SAMMSON: variants seen among roughly 807,000 people sequenced by gnomAD.
The protein encoded by SAMMSON is survival associated mitochondrial melanoma specific oncogenic non-coding RNA.
In SAMMSON at chr3:70,339,956, CAT is replaced by C. The variant is rs944142128; in HGVS notation, n.740-14218_740-14217del. 2.6e-3 allele frequency among the ~76,000 whole-genome samples: 396 copies of C among 152,098 alleles called. 5 individuals carry two copies. The highest frequency in any genetic ancestry group is 8.5e-4 in the Non-Finnish European group (58 of 67,952). ...GCTGCTATAAAGACACATGCACACACATGTTTATTGTGGCACTATTCACAATA... is the reference window on the plus strand; with the variant it reads ...GCTGCTATAAAGACACATGCACACACGTTTATTGTGGCACTATTCACAATA... On this transcript the variant is annotated intron_variant and non_coding_transcript_variant, in intron 7 of 9. Transcript: ENST00000642114.
At chr3:70,319,778 A>T (rs112049257) in intron 7 of SAMMSON, among the ~76,000 whole-genome samples, 1 of 152,154 alleles carries the variant, frequency 6.6e-6, no homozygotes, top group East Asian at 1.9e-4. Context: ...TTTACAAGTC[A>T]GTGGGAAGGA....
At chr3:70,372,934 T>C (rs775445922) in intron 9 of SAMMSON, among the ~76,000 whole-genome samples, 1 of 152,186 alleles carries the variant, frequency 6.6e-6, no homozygotes, top group Non-Finnish European at 1.5e-5. Context: ...GTTCTATTAT[T>C]TTTATCCGTT....
chr3:70,296,524 T>C (rs1285327212), intron 7 of SAMMSON, among the ~76,000 whole-genome samples: 1 of 152,196 alleles, frequency 6.6e-6, no homozygotes, highest in Non-Finnish European at 1.5e-5. Context: ...AAAAATCATT[T>C]GGTTACTTAA....
rs748192994 is a variant in SAMMSON, at chr3:70,235,027, G to T, written n.508-14080G>T. Among the ~76,000 whole-genome samples the T allele has an allele frequency of 5.9e-5, 9 of 152,236 alleles. No homozygotes were observed. The East Asian group carries it at 1.7e-3, about 29-fold the overall frequency. ...TGTGTAGCCAGGCTTGAGAACCTCT[G>T]CCCCAAAGAGATTTTATCAGTACGG... On this transcript the variant is annotated intron_variant and non_coding_transcript_variant, in intron 4 of 9. Transcript: ENST00000642114.
intron 1 of SAMMSON, among the ~76,000 whole-genome samples, chr3:70,010,886 C>T (rs2066951965): frequency 6.6e-6 from 1 of 151,998 alleles, no homozygotes; most frequent in Non-Finnish European, 1.5e-5. Flanking sequence ...CTTATAAAAC[C>T]ATAAGATCTC....
chr3:70,248,950 T>C (rs990898855), intron 4 of SAMMSON, among the ~76,000 whole-genome samples: 1 of 152,120 alleles, frequency 6.6e-6, no homozygotes, highest in Admixed American at 6.6e-5. Context: ...AATTGACAAC[T>C]TCACTGTCAT....
chr3:70,244,015 G>A (rs181612021), intron 4 of SAMMSON, among the ~76,000 whole-genome samples: 4 of 152,040 alleles, frequency 2.6e-5, no homozygotes, highest in Non-Finnish European at 4.4e-5. Flanking sequence ...TCCCCTCTAC[G>A]CAACTTGACT....
intron 2 of SAMMSON, among the ~76,000 whole-genome samples, chr3:70,419,608 T>C (rs1701295491): frequency 6.6e-6 from 1 of 152,138 alleles, no homozygotes; most frequent in African/African-American, 2.4e-5. Context: ...CCCAAACATG[T>C]GGAAACCCCA....
intron 4 of SAMMSON, among the ~76,000 whole-genome samples, chr3:70,242,112 T>C (rs1468768649): frequency 1.3e-5 from 2 of 152,194 alleles, no homozygotes; most frequent in Non-Finnish European, 2.9e-5. Context: ...TTGTGACATA[T>C]GTATAATAGG....
At chr3:70,046,990 G>T (rs2067129280) in intron 3 of SAMMSON, among the ~76,000 whole-genome samples, 1 of 152,068 alleles carries the variant, frequency 6.6e-6, no homozygotes, top group African/African-American at 2.4e-5. Flanking sequence ...TAATCTATGA[G>T]CTCAACATCC....
intron 1 of SAMMSON, among the ~76,000 whole-genome samples, chr3:70,006,708 G>T (rs913668526): frequency 1.2e-4 from 18 of 151,740 alleles, no homozygotes; most frequent in Admixed American, 3.3e-4. Flanking sequence ...TGCACAACGT[G>T]CAGGTTAGTT....
intron 4 of SAMMSON, among the ~76,000 whole-genome samples, chr3:70,093,614 C>T (rs2067313131): frequency 6.6e-6 from 1 of 152,084 alleles, no homozygotes; most frequent in Non-Finnish European, 1.5e-5. Flanking sequence ...TAATGTCCTT[C>T]CAGCTGGATA....
At chr3:70,111,173 G>A (rs1207610567) in intron 4 of SAMMSON, among the ~76,000 whole-genome samples, 2 of 152,120 alleles carry the variant, frequency 1.3e-5, no homozygotes, top group Non-Finnish European at 2.9e-5. Context: ...CATGGTGTTG[G>A]GATGTCTAGG....
At chr3:70,061,727 T>C (rs1484486740) in intron 3 of SAMMSON, among the ~76,000 whole-genome samples, 1 of 152,154 alleles carries the variant, frequency 6.6e-6, no homozygotes, top group Non-Finnish European at 1.5e-5. Context: ...CCTCCGCATC[T>C]ACCCACGGCT....
intron 3 of SAMMSON, among the ~76,000 whole-genome samples, chr3:70,028,964 G>A (rs907805026): frequency 6.6e-6 from 1 of 152,176 alleles, no homozygotes; most frequent in Admixed American, 6.5e-5. Context: ...TGAGCAGTCT[G>A]GGCTTAGAGA....
At chr3:70,113,793 C>T (rs2067399097) in intron 4 of SAMMSON, among the ~76,000 whole-genome samples, 1 of 152,154 alleles carries the variant, frequency 6.6e-6, no homozygotes, top group South Asian at 2.1e-4. Flanking sequence ...TAGATGAGGT[C>T]TTGCGGGTGG....
chr3:70,433,087 C>T (rs1259485314), intron 2 of SAMMSON, among the ~76,000 whole-genome samples: 2 of 152,006 alleles, frequency 1.3e-5, no homozygotes, highest in Non-Finnish European at 2.9e-5. Context: ...GATATCTTAG[C>T]TACTTTCAAT....
chr3:70,066,415 T>G (rs1206187781), intron 3 of SAMMSON, among the ~76,000 whole-genome samples: 1 of 152,106 alleles, frequency 6.6e-6, no homozygotes, highest in African/African-American at 2.4e-5. Flanking sequence ...GTCCTTTTTC[T>G]TATAGGAAGA....
rs375383541 is a variant in SAMMSON at position 70,034,820 on chromosome 3, G to A, written n.417+21148G>A. 5.9e-5 allele frequency among the ~76,000 whole-genome samples: 9 copies of A among 152,126 alleles called. No individual in the cohort carries two copies. In the East Asian group the frequency reaches 1.2e-3, roughly 20 times the overall value. ...GATTGTGCTACTGCACTGCAGCCTG[G>A]GTGACAGAGCAAGACTCCATCTCAA... On this transcript the variant is annotated intron_variant and non_coding_transcript_variant, in intron 3 of 9. Transcript: ENST00000642114.
Sources: gnomAD v4.1 joint callset for allele counts (sites outside exome capture counted in the v4.1 genomes callset) on GRCh38, gnomAD v4.1.1 for gene constraint, MANE v1.5 for transcripts, NCBI Gene and HGNC (gene_info 2026-07-23, HGNC 2026-07-21) for gene names.